Variants in CDKAL1 observed in about 807,000 individuals in gnomAD.
CDKAL1 encodes the protein CDKAL1 threonylcarbamoyladenosine tRNA methylthiotransferase.
Under a neutral mutation model 68.2 loss-of-function variants are expected in CDKAL1, and 32 were observed. That is an observed-to-expected ratio of 0.47 (90% CI 0.35 to 0.63). CDKAL1 has a LOEUF of 0.63. CDKAL1 is among the 30% of genes least tolerant of loss of function. The pLI, the probability that CDKAL1 is intolerant of heterozygous loss-of-function variation, is 0.00. For missense variants in CDKAL1, 606 were observed against 696.7 expected, an observed-to-expected ratio of 0.87 and a Z score of 1.47; for synonymous variants, 234 against 244.3, an observed-to-expected ratio of 0.96 and a Z score of 0.39.
chr6:20,552,616 G>A (rs918279964), intron 4 of CDKAL1, among the ~76,000 whole-genome samples: 1 of 76,282 alleles, frequency 1.3e-5, no homozygotes, highest in African/African-American at 6.8e-5. Context: ...ACTTGAATGG[G>A]AATTTTTTTT....
intron 4 of CDKAL1, among the ~76,000 whole-genome samples, chr6:20,573,638 A>G (rs1764797872): frequency 6.6e-6 from 1 of 152,210 alleles, no homozygotes; most frequent in African/African-American, 2.4e-5. Flanking sequence ...TATTTGGTTT[A>G]GGATGTAGAA....
chr6:20,714,247 A>C (rs1277730938), intron 5 of CDKAL1, among the ~76,000 whole-genome samples: 1 of 151,854 alleles, frequency 6.6e-6, no homozygotes, highest in Non-Finnish European at 1.5e-5. Context: ...TAAGGCTATT[A>C]GCTATGCTAG....
intron 4 of CDKAL1, among the ~76,000 whole-genome samples, chr6:20,564,073 G>T (rs1351203267): frequency 1.3e-5 from 2 of 152,136 alleles, no homozygotes; most frequent in African/African-American, 4.8e-5. Flanking sequence ...TGAAATTGAA[G>T]TGAAAACAAA....
chr6:20,758,238 C>T (rs1561752164), intron 6 of CDKAL1, among the ~76,000 whole-genome samples: 1 of 152,022 alleles, frequency 6.6e-6, no homozygotes, highest in Non-Finnish European at 1.5e-5. Context: ...TCGTTTTATG[C>T]CATTTTTTTT....
chr6:20,867,585 C>T (rs75730381), intron 9 of CDKAL1, among the ~76,000 whole-genome samples: 1 of 103,306 alleles, frequency 9.7e-6, no homozygotes, highest in Non-Finnish European at 2.2e-5. Context: ...TTATTAGAGA[C>T]ACAGTATGTT....
intron 6 of CDKAL1, among the ~76,000 whole-genome samples, chr6:20,757,278 G>T (rs1774260256): frequency 6.6e-6 from 1 of 151,952 alleles, no homozygotes; most frequent in Non-Finnish European, 1.5e-5. Context: ...GGTTCCTCTT[G>T]TCTCAGTTGA....
At chr6:20,680,303 G>C (rs1304112335) in intron 5 of CDKAL1, among the ~76,000 whole-genome samples, 3 of 152,226 alleles carry the variant, frequency 2.0e-5, no homozygotes, top group African/African-American at 7.2e-5. Flanking sequence ...CTGGCCTCAA[G>C]TGATCTGCAT....
chr6:20,850,006 C>T (rs1204966928), intron 9 of CDKAL1, among the ~76,000 whole-genome samples: 1 of 152,016 alleles, frequency 6.6e-6, no homozygotes, highest in Non-Finnish European at 1.5e-5. Flanking sequence ...TGAAAGTAAC[C>T]ATAATAGAAG....
In CDKAL1 at chr6:20,616,716, T is replaced by A. The variant is rs898186545; in HGVS notation, c.287-32577T>A. Among the ~76,000 whole-genome samples the A allele has an allele frequency of 3.9e-5, 6 of 151,920 alleles. No homozygotes were observed. In the South Asian group the frequency reaches 1.0e-3, roughly 26 times the overall value. The stretch of plus-strand genomic sequence containing the variant: ...TGGGGTTTTCTAGATATATTTGACT[T>A]TTTATGGCCAGGAGCAGTGGCTCAT... On this transcript the variant is annotated intron_variant, in intron 4 of 15. Transcript: ENST00000274695.
chr6:21,061,504 A>G (rs933951107), intron 11 of CDKAL1, among the ~76,000 whole-genome samples: 4 of 152,130 alleles, frequency 2.6e-5, no homozygotes, highest in Non-Finnish European at 5.9e-5. Flanking sequence ...TAGTATTTTG[A>G]AAATTCATGT....
chr6:20,612,678 C>T (rs188141083), intron 4 of CDKAL1, among the ~76,000 whole-genome samples: 13 of 152,012 alleles, frequency 8.6e-5, no homozygotes, highest in Admixed American at 7.9e-4. Context: ...ATATTTTCTT[C>T]CTTTTTGTAG....
intron 4 of CDKAL1, among the ~76,000 whole-genome samples, chr6:20,632,627 C>T (rs1463488021): frequency 1.3e-5 from 2 of 152,166 alleles, no homozygotes; most frequent in Non-Finnish European, 2.9e-5. Context: ...TCTCCTACCT[C>T]GGTCATGATG....
intron 11 of CDKAL1, among the ~76,000 whole-genome samples, chr6:21,053,739 A>T (rs1770671162): frequency 6.6e-6 from 1 of 152,060 alleles, no homozygotes; most frequent in African/African-American, 2.4e-5. Flanking sequence ...GCAAATTTTA[A>T]TGTACTTATT....
At chr6:20,821,801 G>A (rs1357105831) in intron 8 of CDKAL1, among the ~76,000 whole-genome samples, 1 of 152,110 alleles carries the variant, frequency 6.6e-6, no homozygotes, top group Non-Finnish European at 1.5e-5. Flanking sequence ...TAGACTGGAG[G>A]TAATAAACTT....
At chr6:20,804,346 CAAG>C (rs1776480444) in intron 8 of CDKAL1, among the ~76,000 whole-genome samples, 1 of 152,104 alleles carries the variant, frequency 6.6e-6, no homozygotes, top group Non-Finnish European at 1.5e-5. Context: ...ATGAGAGAGG[CAAG>C]AATAACTGGG....
intron 11 of CDKAL1, among the ~76,000 whole-genome samples, chr6:21,009,002 G>A (rs1305062590): frequency 6.6e-6 from 1 of 152,104 alleles, no homozygotes; most frequent in Non-Finnish European, 1.5e-5. Context: ...TAATTATTAG[G>A]CAATATTTAT....
rs73387922 is a variant in CDKAL1 at position 21,165,616 on chromosome 6, G to A, written c.1300-32405G>A. Among the ~76,000 whole-genome samples the A allele has an allele frequency of 3.9e-3, 590 of 152,260 alleles. 5 individuals carry two copies. The highest frequency in any genetic ancestry group is 0.017 in the Middle Eastern group (5 of 294). ...AACATTAGTAAATTACTGTGTTGAC[G>A]TATAGTTCTCATTTTCATAGTATTT... On this transcript the variant is annotated intron_variant, in intron 13 of 15. Coordinates refer to ENST00000274695, the MANE Select transcript of CDKAL1 (RefSeq NM_017774.3).
intron 8 of CDKAL1, among the ~76,000 whole-genome samples, chr6:20,827,710 A>C (rs1472991963): frequency 1.3e-5 from 2 of 152,184 alleles, no homozygotes; most frequent in Non-Finnish European, 2.9e-5. Context: ...CAAAGTTCCA[A>C]ATTGAAGACA....
At chr6:20,853,642 T>C (rs1005071372) in intron 9 of CDKAL1, among the ~76,000 whole-genome samples, 9 of 152,224 alleles carry the variant, frequency 5.9e-5, no homozygotes, top group Admixed American at 5.2e-4. Context: ...GTCAGTCTTA[T>C]AAAACCAAAA....
Sources: gnomAD v4.1 joint callset for allele counts (sites outside exome capture counted in the v4.1 genomes callset) on GRCh38, gnomAD v4.1.1 for gene constraint, MANE v1.5 for transcripts, NCBI Gene and HGNC (gene_info 2026-07-23, HGNC 2026-07-21) for gene names.